Variants in AATF observed in about 807,000 individuals in gnomAD.
AATF encodes the protein protein AATF.
A neutral mutation model predicts 63.7 loss-of-function variants in AATF; 48 were observed. That is an observed-to-expected ratio of 0.75 (90% CI 0.60 to 0.96). The LOEUF is 0.96. AATF is among the 40% of genes least tolerant of loss of function. The probability of loss-of-function intolerance (pLI) is 0.00; values close to 1 mark genes in which losing one functional copy is unlikely to be tolerated. For synonymous variants in AATF, 258 were observed against 247.7 expected, an observed-to-expected ratio of 1.04 and a Z score of -0.39; for missense variants, 639 against 685.7, an observed-to-expected ratio of 0.93 and a Z score of 0.76.
chr17:37,031,049 A>G (rs903534614), intron 10 of AATF, among the ~76,000 whole-genome samples: 1 of 152,210 alleles, frequency 6.6e-6, no homozygotes, highest in Admixed American at 6.5e-5. Context: ...CATTTACAGT[A>G]TACTGTTATC....
chr17:36,980,915 T>G (rs1391923406), intron 4 of AATF, among the ~76,000 whole-genome samples: 1 of 151,844 alleles, frequency 6.6e-6, no homozygotes, highest in Admixed American at 6.6e-5. Context: ...TTTTTTTTTT[T>G]TGGTGGTTAG....
chr17:36,994,620 C>T (rs2071240228), intron 8 of AATF, among the ~76,000 whole-genome samples: 2 of 152,210 alleles, frequency 1.3e-5, no homozygotes, highest in South Asian at 4.1e-4. Context: ...TTTCACAAAA[C>T]ATGAAGGTTG....
chr17:37,011,573 G>T (rs901052180), intron 8 of AATF, among the ~76,000 whole-genome samples: 4 of 152,184 alleles, frequency 2.6e-5, no homozygotes, highest in Non-Finnish European at 5.9e-5. Context: ...GTTCTTGGGG[G>T]AAACCCTGTG....
intron 7 of AATF, 70 bp downstream of exon 7, chr17:36,989,481 T>G (rs1179917743): frequency 2.1e-6 from 3 of 1,448,500 alleles, no homozygotes; most frequent in Non-Finnish European, 2.8e-6. Flanking sequence ...GAAAAACTTG[T>G]AGCTATTACC....
At chr17:37,039,254 A>G (rs2071617427) in intron 11 of AATF, among the ~76,000 whole-genome samples, 1 of 152,230 alleles carries the variant, frequency 6.6e-6, no homozygotes, top group Non-Finnish European at 1.5e-5. Flanking sequence ...CTTGCAAGCA[A>G]GAATGGTTAA....
chr17:36,967,440 A>C (rs78190891), intron 4 of AATF, among the ~76,000 whole-genome samples: 1,996 of 152,276 alleles, frequency 0.013, 52 homozygotes, highest in African/African-American at 0.045. Context: ...CCAGTTAGCT[A>C]AATCTCTTCT....
At chr17:36,991,903 A>G (rs1159115539) in intron 8 of AATF, among the ~76,000 whole-genome samples, 1 of 152,094 alleles carries the variant, frequency 6.6e-6, no homozygotes, top group African/African-American at 2.4e-5. Context: ...TATACTTCTT[A>G]ATAGAGTGTG....
At chr17:36,991,412 T>C (rs1266082291) in intron 8 of AATF, among the ~76,000 whole-genome samples, 1 of 152,160 alleles carries the variant, frequency 6.6e-6, no homozygotes, top group Non-Finnish European at 1.5e-5. Flanking sequence ...AGTTGAAATA[T>C]AGTCCAGTTC....
At chr17:36,956,805 C>T (rs2070904711) in intron 4 of AATF, among the ~76,000 whole-genome samples, 1 of 152,104 alleles carries the variant, frequency 6.6e-6, no homozygotes, top group African/African-American at 2.4e-5. Flanking sequence ...GGTGAAATCC[C>T]ATCTTTAATA....
chr17:36,996,199 A>T (rs968216224), intron 8 of AATF, among the ~76,000 whole-genome samples: 2 of 152,116 alleles, frequency 1.3e-5, no homozygotes, highest in African/African-American at 4.8e-5. Context: ...TGGGAGGCCA[A>T]AGTGGGTGAA....
intron 1 of AATF, among the ~76,000 whole-genome samples, chr17:36,949,759 A>G (rs2070838082): frequency 6.6e-6 from 1 of 152,230 alleles, no homozygotes; most frequent in Non-Finnish European, 1.5e-5. Context: ...ATCCCGCTTT[A>G]GACTTGAGTC....
At chr17:36,995,899 A>G (rs1477667574) in intron 8 of AATF, among the ~76,000 whole-genome samples, 1 of 152,108 alleles carries the variant, frequency 6.6e-6, no homozygotes, top group Non-Finnish European at 1.5e-5. Flanking sequence ...ATTGGCATAT[A>G]TCTTTCCAGT....
chr17:36,956,963 C>T (rs565801564), intron 4 of AATF, among the ~76,000 whole-genome samples: 19 of 150,636 alleles, frequency 1.3e-4, no homozygotes, highest in African/African-American at 4.2e-4. Flanking sequence ...GCGACAAGAG[C>T]GAAACTGTCC....
At chr17:36,994,671 G>A (rs2071240591) in intron 8 of AATF, among the ~76,000 whole-genome samples, 1 of 152,328 alleles carries the variant, frequency 6.6e-6, no homozygotes, top group Non-Finnish European at 1.5e-5. Context: ...AATATTTTCA[G>A]TGTCTGTTTG....
At chr17:37,039,724 C>G (rs1462182430) in intron 11 of AATF, among the ~76,000 whole-genome samples, 1 of 152,154 alleles carries the variant, frequency 6.6e-6, no homozygotes, top group Admixed American at 6.5e-5. Flanking sequence ...GAAACACTCT[C>G]AAGTTCAAAC....
rs144276282 is a variant in AATF at position 36,976,291 on chromosome 17, T to C, written c.833-10326T>C. 2.4e-3 allele frequency among the ~76,000 whole-genome samples: 362 copies of C among 152,326 alleles called. 2 individuals are homozygous for C. The highest frequency in any genetic ancestry group is 8.3e-3 in the African/African-American group (344 of 41,570). On this transcript the variant is annotated intron_variant, in intron 4 of 11. Coordinates refer to ENST00000619387, the MANE Select transcript of AATF (RefSeq NM_012138.4). ...TGTTTCAATTTCTGTATCTGTAAAA[T>C]GGTGATGCAATAATAGTATCTACCT...
chr17:37,053,001 A>G (rs1333851188), intron 11 of AATF, among the ~76,000 whole-genome samples: 2 of 152,212 alleles, frequency 1.3e-5, no homozygotes, highest in African/African-American at 4.8e-5. Flanking sequence ...TGTGTGCTGT[A>G]TAATTCAGAA....
chr17:36,989,440 T>C, intron 7 of AATF, 29 bp downstream of exon 7: 1 of 1,566,840 alleles, frequency 6.4e-7, no homozygotes, highest in Non-Finnish European at 8.7e-7. Context: ...AGAGTGATTA[T>C]GGGGAATAGT....
chr17:37,002,676 A>C (rs2071309894), intron 8 of AATF, among the ~76,000 whole-genome samples: 1 of 152,026 alleles, frequency 6.6e-6, no homozygotes, highest in Admixed American at 6.6e-5. Flanking sequence ...CATCTCAAAA[A>C]AAAAAAAGCA....
Sources: gnomAD v4.1 joint callset for allele counts (sites outside exome capture counted in the v4.1 genomes callset) on GRCh38, gnomAD v4.1.1 for gene constraint, MANE v1.5 for transcripts, NCBI Gene and HGNC (gene_info 2026-07-23, HGNC 2026-07-21) for gene names.